MACROD2: variants seen among roughly 807,000 people sequenced by gnomAD.
MACROD2 encodes ADP-ribose glycohydrolase MACROD2.
MACROD2 carries 36 observed loss-of-function variants against 70.4 expected under a neutral mutation model. The ratio of observed to expected loss-of-function variants is 0.51; its 90% confidence interval spans 0.39 to 0.68. The LOEUF (loss-of-function observed/expected upper bound fraction) is 0.68. MACROD2 is among the 30% of genes least tolerant of loss of function. The pLI is 0.00. For missense variants in MACROD2, 496 were observed against 538.4 expected, an observed-to-expected ratio of 0.92 and a Z score of 0.78; for synonymous variants, 172 against 178.8, an observed-to-expected ratio of 0.96 and a Z score of 0.30.
chr20:13,997,766 A>G (rs1245596868), intron 1 of MACROD2, among the ~76,000 whole-genome samples: 1 of 152,192 alleles, frequency 6.6e-6, no homozygotes, highest in Non-Finnish European at 1.5e-5. Flanking sequence ...ATGTTAAAGG[A>G]AAACGTTACT....
At position 14,123,022 on chromosome 20, in the gene MACROD2, A is replaced by G. The variant is rs1372364153; in HGVS notation, c.271+37294A>G. Among the ~76,000 whole-genome samples, 3 of 152,166 alleles carry G rather than the reference A, an allele frequency of 2.0e-5. No homozygotes were observed. In the East Asian group the frequency reaches 5.8e-4, roughly 29 times the overall value. Reference sequence around the variant, plus strand: ...GAGGTTGTTATCAGGCAAGAGAATGAAGCTAGTTCTGTAGTATGGTACCAC... The same window carrying G: ...GAGGTTGTTATCAGGCAAGAGAATGGAGCTAGTTCTGTAGTATGGTACCAC... On this transcript the variant is annotated intron_variant, in intron 3 of 17. Coordinates refer to ENST00000684519, the MANE Select transcript of MACROD2 (RefSeq NM_001351661.2).
At chr20:14,474,583 C>G (rs182859811) in intron 3 of MACROD2, among the ~76,000 whole-genome samples, 1 of 151,934 alleles carries the variant, frequency 6.6e-6, no homozygotes, top group South Asian at 2.1e-4. Flanking sequence ...AGTCTTCTAC[C>G]GTTAATGTTA....
chr20:14,604,970 A>G (rs188544885), intron 4 of MACROD2, among the ~76,000 whole-genome samples: 9 of 152,332 alleles, frequency 5.9e-5, no homozygotes, highest in African/African-American at 2.2e-4. Context: ...CTCTTTGAAC[A>G]TGCCTACATC....
chr20:14,075,122 G>A (rs961522472), intron 2 of MACROD2, among the ~76,000 whole-genome samples: 5 of 152,108 alleles, frequency 3.3e-5, no homozygotes, highest in Non-Finnish European at 5.9e-5. Context: ...CCAAAGAGAA[G>A]CCATGAAGTG....
intron 15 of MACROD2, among the ~76,000 whole-genome samples, chr20:16,034,814 A>T (rs1450516276): frequency 6.6e-6 from 1 of 151,316 alleles, no homozygotes; most frequent in African/African-American, 2.4e-5. Flanking sequence ...TTGCCCTCTC[A>T]TACTCTTCCC....
chr20:15,557,714 GA>G (rs1211877271), intron 8 of MACROD2, among the ~76,000 whole-genome samples: 1 of 152,180 alleles, frequency 6.6e-6, no homozygotes, highest in Non-Finnish European at 1.5e-5. Context: ...TTATCTTTCT[GA>G]ACTCATGATG....
chr20:15,851,270 A>G (rs1600995702), intron 8 of MACROD2, among the ~76,000 whole-genome samples: 1 of 151,722 alleles, frequency 6.6e-6, no homozygotes, highest in African/African-American at 2.4e-5. Flanking sequence ...GCTGATCCCA[A>G]CAGGGGCTCA....
chr20:15,577,257 A>C (rs1299181285), intron 8 of MACROD2, among the ~76,000 whole-genome samples: 2 of 152,018 alleles, frequency 1.3e-5, no homozygotes, highest in African/African-American at 2.4e-5. Flanking sequence ...AGTACAGTGC[A>C]GTCAACACAC....
chr20:15,848,813 C>T (rs2064263919), intron 8 of MACROD2, among the ~76,000 whole-genome samples: 1 of 152,084 alleles, frequency 6.6e-6, no homozygotes, highest in Admixed American at 6.6e-5. Flanking sequence ...AATTAGGTCA[C>T]TCAGAGCCCA....
At position 14,281,492 on chromosome 20, in the gene MACROD2, G is replaced by A. The variant is rs142274039; in HGVS notation, c.271+195764G>A. ...TGTTCAAAATATCTAGAATTAGATA[G>A]TGGTAATACTTTTGCAACTTTGTGA... is the stretch of plus-strand genomic sequence containing the variant. On this transcript the variant is annotated intron_variant, in intron 3 of 17. Coordinates refer to ENST00000684519, the MANE Select transcript of MACROD2 (RefSeq NM_001351661.2). 5.6e-3 allele frequency among the ~76,000 whole-genome samples: 856 copies of A among 152,286 alleles called. 6 individuals are homozygous for A. Among genetic ancestry groups the A allele is most frequent in the Middle Eastern group, 0.017 (5 of 294 alleles).
intron 8 of MACROD2, among the ~76,000 whole-genome samples, chr20:15,517,983 G>C (rs1261336126): frequency 6.6e-6 from 1 of 152,226 alleles, no homozygotes; most frequent in Non-Finnish European, 1.5e-5. Context: ...TGCAGGCACA[G>C]ACCATCAAAA....
intron 5 of MACROD2, among the ~76,000 whole-genome samples, chr20:14,988,317 T>C (rs1295417112): frequency 3.4e-5 from 5 of 149,250 alleles, no homozygotes; most frequent in Non-Finnish European, 7.4e-5. Context: ...TGAGTAGAGA[T>C]TGTGCCACTG....
At chr20:16,033,749 C>T (rs1179367997) in intron 15 of MACROD2, among the ~76,000 whole-genome samples, 3 of 151,610 alleles carry the variant, frequency 2.0e-5, no homozygotes, top group African/African-American at 7.3e-5. Context: ...TCAGCTCTGC[C>T]TAAGTCTAGT....
At chr20:15,727,198 G>A (rs1207617441) in intron 8 of MACROD2, among the ~76,000 whole-genome samples, 1 of 152,050 alleles carries the variant, frequency 6.6e-6, no homozygotes, top group African/African-American at 2.4e-5. Flanking sequence ...TGTTGAATAA[G>A]GAGTCCTTTC....
At chr20:15,192,067 A>ACT (rs754208219) in intron 5 of MACROD2, among the ~76,000 whole-genome samples, 10 of 134,250 alleles carry the variant, frequency 7.4e-5, no homozygotes, top group Non-Finnish European at 1.6e-4. Flanking sequence ...TCTATCTAAA[A>ACT]CTCTCTCTCT....
chr20:15,918,698 C>T (rs533069108), intron 10 of MACROD2, among the ~76,000 whole-genome samples: 27 of 152,270 alleles, frequency 1.8e-4, no homozygotes, highest in African/African-American at 6.3e-4. Flanking sequence ...GATAGAAAGA[C>T]CTGAAAACCT....
At chr20:14,068,745 T>C (rs760541795) in intron 2 of MACROD2, among the ~76,000 whole-genome samples, 17 of 152,026 alleles carry the variant, frequency 1.1e-4, no homozygotes, top group Non-Finnish European at 1.9e-4. Flanking sequence ...ATGAGAAATA[T>C]AGAGAGTACC....
intron 3 of MACROD2, among the ~76,000 whole-genome samples, chr20:14,310,031 C>G (rs746151293): frequency 1.3e-5 from 2 of 152,050 alleles, no homozygotes; most frequent in Non-Finnish European, 2.9e-5. Flanking sequence ...TGGGGGCTTG[C>G]TGGAAAGGAA....
At chr20:15,656,041 A>G (rs1056314696) in intron 8 of MACROD2, among the ~76,000 whole-genome samples, 1 of 152,188 alleles carries the variant, frequency 6.6e-6, no homozygotes, top group Non-Finnish European at 1.5e-5. Flanking sequence ...CCAGTGATCT[A>G]GTAACTCCGT....
Sources: gnomAD v4.1 joint callset for allele counts (sites outside exome capture counted in the v4.1 genomes callset) on GRCh38, gnomAD v4.1.1 for gene constraint, MANE v1.5 for transcripts, NCBI Gene and HGNC (gene_info 2026-07-23, HGNC 2026-07-21) for gene names.